Variants in C6 observed in about 807,000 individuals in gnomAD.
C6 encodes complement C6.
C6 carries 101 observed loss-of-function variants against 112.9 expected under a neutral mutation model. That is an observed-to-expected ratio of 0.89 (90% CI 0.76 to 1.06). C6 has a LOEUF of 1.06. Ranked by LOEUF, C6 falls within the 50% of genes least tolerant of loss-of-function variation. C6 has a pLI of 0.00. For synonymous variants in C6, 431 were observed against 384.1 expected, an observed-to-expected ratio of 1.12 and a Z score of -1.43; for missense variants, 1,202 against 1,104.6, an observed-to-expected ratio of 1.09 and a Z score of -1.25.
chr5:41,200,891 G>GTTTTGTTT (rs1554029750), intron 3 of C6, among the ~76,000 whole-genome samples: 19 of 70,656 alleles, frequency 2.7e-4, no homozygotes, highest in Non-Finnish European at 4.2e-4. Flanking sequence ...TGTTGTTGTT[G>GTTTTGTTT]TTTTTTTTTT....
chr5:41,188,279 CA>C (rs1247292542), intron 5 of C6, among the ~76,000 whole-genome samples: 1 of 151,988 alleles, frequency 6.6e-6, no homozygotes, highest in Non-Finnish European at 1.5e-5. Context: ...ATTCACAAGA[CA>C]ATTCTAAAAT....
intron 11 of C6, among the ~76,000 whole-genome samples, 189 bp downstream of exon 11, chr5:41,159,953 A>T (rs1255130533): frequency 6.6e-6 from 1 of 152,170 alleles, no homozygotes; most frequent in Admixed American, 6.6e-5. Flanking sequence ...GAAGCTGGGT[A>T]ACTTTCCCAA....
chr5:41,201,865 C>T, intron 2 of C6, 151 bp from the exon 3 acceptor site: 1 of 698,902 alleles, frequency 1.4e-6, no homozygotes, highest in South Asian at 1.6e-5. Context: ...ATATGCAGTT[C>T]TCACCACTTA....
In C6 at chr5:41,172,264, G is replaced by A. The variant is rs1180646058; in HGVS notation, c.1252C>T (p.His418Tyr). 6.2e-7 allele frequency: 1 copy of A among 1,613,692 alleles called. No homozygotes were observed. The highest frequency in any genetic ancestry group is 8.5e-7 in the Non-Finnish European group (1 of 1,179,670). ...GACAGCTTGTTGGTGGTGCACCTAT[G>A]TTCCACTTTTGTTTTCTTAGCAAAT... The part of the protein sequence containing the change: ...VLFAKKTKVE[H>Y]RCTTNKLSEK... Residue 418 changes from histidine to tyrosine, a missense_variant, in exon 9 of 18, where the codon CAT becomes TAT. His to Tyr is a moderately conservative substitution (Grantham distance 83). Coordinates refer to ENST00000337836, the MANE Select transcript of C6 (RefSeq NM_000065.5).
chr5:41,200,888 G>GTTTT (rs1750967031), intron 3 of C6, among the ~76,000 whole-genome samples: 1 of 66,802 alleles, frequency 1.5e-5, no homozygotes, highest in South Asian at 5.0e-4. Context: ...TGTTGTTGTT[G>GTTTT]TTGTTTTTTT....
intron 17 of C6, among the ~76,000 whole-genome samples, chr5:41,146,568 CA>C (rs1745847075): frequency 6.6e-6 from 1 of 151,982 alleles, no homozygotes; most frequent in Admixed American, 6.6e-5. Flanking sequence ...TTTTGCTCAC[CA>C]ATTAAAGAAA....
intron 1 of C6, chr5:41,203,466 A>G: frequency 4.0e-6 from 2 of 502,948 alleles, no homozygotes. Context: ...CACAACCTCC[A>G]GTACTAGTAA....
chr5:41,152,397 T>C (rs1013849755), intron 15 of C6, among the ~76,000 whole-genome samples: 2 of 152,130 alleles, frequency 1.3e-5, no homozygotes. Context: ...CTCCTCAGTC[T>C]ATTGAATGAA....
chr5:41,183,977 AG>A (rs35648202), intron 6 of C6, among the ~76,000 whole-genome samples: 9,348 of 132,856 alleles, frequency 0.07, 353 homozygotes, highest in Middle Eastern at 0.097. Flanking sequence ...GGGGTCTACT[AG>A]GGGGGGAAGG....
chr5:41,203,996 G>A (rs1580184224), intron 1 of C6, among the ~76,000 whole-genome samples: 1 of 152,154 alleles, frequency 6.6e-6, no homozygotes, highest in African/African-American at 2.4e-5. Context: ...AGGTTGAGCG[G>A]AAAAATCTTT....
chr5:41,177,867 C>G (rs1005393256), intron 7 of C6, among the ~76,000 whole-genome samples: 5 of 152,238 alleles, frequency 3.3e-5, no homozygotes, highest in East Asian at 3.9e-4. Flanking sequence ...AGTAAGTGCT[C>G]ATTAATTCTA....
rs768659706 is a variant in C6, at chr5:41,203,096, G to T, written c.135C>A (p.Ser45Arg). The T allele has an allele frequency of 1.9e-6, 3 of 1,613,986 alleles. No individual in the cohort carries two copies. In the South Asian group the frequency reaches 3.3e-5, roughly 18 times the overall value. The change falls in exon 2 of 18, where the codon AGC (serine) becomes AGA (arginine). Residue 45 changes from serine (S) to arginine (R), a missense_variant. Ser to Arg is a moderately radical substitution (Grantham distance 110, BLOSUM62 -1). Transcript: ENST00000337836. The part of the protein sequence containing the change: ...CSKTCNSGTQ[S>R]RHRQIVVDKY... ...ACAAAGCTCACACCCACCTGTGTCT[G>T]CTCTGGGTTCCAGAATTGCAAGTTT...
chr5:41,214,228 T>C (rs1174704953), upstream of C6, among the ~76,000 whole-genome samples: 2 of 152,206 alleles, frequency 1.3e-5, no homozygotes, highest in Admixed American at 6.5e-5. Context: ...TAAATCACTA[T>C]ACCTCATTGG....
intron 5 of C6, among the ~76,000 whole-genome samples, chr5:41,195,299 G>T (rs1445123305): frequency 1.3e-5 from 2 of 151,956 alleles, no homozygotes; most frequent in East Asian, 3.9e-4. Context: ...TTTGACTCTG[G>T]GTTTGCTTTT....
chr5:41,247,316 G>A (rs1219806482), intron 1 of C6, among the ~76,000 whole-genome samples: 3 of 151,878 alleles, frequency 2.0e-5, no homozygotes, highest in Admixed American at 6.6e-5. Context: ...AAAGTCTCCT[G>A]GAATGACGTC....
chr5:41,245,617 G>C (rs906791809), intron 1 of C6, among the ~76,000 whole-genome samples: 2 of 152,068 alleles, frequency 1.3e-5, no homozygotes, highest in African/African-American at 2.4e-5. Flanking sequence ...AATTTGCAAA[G>C]TGGCTTTCAA....
intron 5 of C6, among the ~76,000 whole-genome samples, chr5:41,192,189 A>G (rs1750266999): frequency 6.6e-6 from 1 of 152,132 alleles, no homozygotes; most frequent in Admixed American, 6.5e-5. Context: ...TGATGTGATG[A>G]CATTATTGAT....
intron 1 of C6, among the ~76,000 whole-genome samples, chr5:41,249,251 T>C (rs1031012281): frequency 6.6e-6 from 1 of 152,088 alleles, no homozygotes; most frequent in African/African-American, 2.4e-5. Flanking sequence ...CTTACCCAGG[T>C]AACAAAACTG....
intron 1 of C6, among the ~76,000 whole-genome samples, chr5:41,236,685 A>C (rs1320004247): frequency 7.3e-6 from 1 of 136,798 alleles, no homozygotes; most frequent in African/African-American, 2.8e-5. Context: ...GCAAGAGCAA[A>C]CACATTCAAA....
Sources: gnomAD v4.1 joint callset for allele counts (sites outside exome capture counted in the v4.1 genomes callset) on GRCh38, gnomAD v4.1.1 for gene constraint, MANE v1.5 for transcripts, NCBI Gene and HGNC (gene_info 2026-07-23, HGNC 2026-07-21) for gene names.